HELZ: variants seen among roughly 807,000 people sequenced by gnomAD.
HELZ encodes ATP-dependent RNA helicase with zinc finger domain.
Under a neutral mutation model 218.2 loss-of-function variants are expected in HELZ, and 23 were observed. The observed-to-expected ratio is 0.11, with a 90% CI of 0.08 to 0.15. The LOEUF (loss-of-function observed/expected upper bound fraction) is 0.15, where lower values mean the gene tolerates loss of function less well. HELZ is among the 10% of genes least tolerant of loss of function. The pLI is 1.00. For synonymous variants in HELZ, 814 were observed against 829.4 expected, an observed-to-expected ratio of 0.98 and a Z score of 0.32; for missense variants, 1,813 against 2,353.7, an observed-to-expected ratio of 0.77 and a Z score of 4.75.
chr17:67,082,017 C>A (rs946523425), intron 32 of HELZ, among the ~76,000 whole-genome samples: 1 of 152,162 alleles, frequency 6.6e-6, no homozygotes, highest in Non-Finnish European at 1.5e-5. Context: ...ATGCTGAGAC[C>A]ATCACATCTA....
intron 5 of HELZ, among the ~76,000 whole-genome samples, chr17:67,212,473 T>C (rs942671952): frequency 3.3e-5 from 5 of 152,070 alleles, no homozygotes; most frequent in African/African-American, 1.2e-4. Flanking sequence ...TCACATGTTT[T>C]TTATTACTGT....
At chr17:67,224,734 A>T in intron 3 of HELZ, 1 of 1,047,200 alleles carries the variant, frequency 9.5e-7, no homozygotes, top group Non-Finnish European at 1.4e-6. Flanking sequence ...AAACATGGTG[A>T]ACGTTGCTAA....
chr17:67,120,422 T>G lies in HELZ; in HGVS notation c.3821A>C (p.His1274Pro). Residue 1274 changes from histidine to proline, a missense_variant, in exon 27 of 33, where the codon CAT becomes CCT. Physicochemically the swap from His to Pro is moderately conservative, Grantham distance 77. Transcript: ENST00000358691. ...CAACTTACCATTTCGATTTTGCTCA[T>G]GTTGATCCTTCTCCTGATGCTGATT... The part of the protein sequence containing the change: ...PQNQHQEKDQ[H>P]EQNRNGKSDT... 1.9e-6 allele frequency: 3 copies of G among 1,614,082 alleles called. No homozygotes were observed. The highest frequency in any genetic ancestry group is 2.5e-6 in the Non-Finnish European group (3 of 1,179,968).
At chr17:67,132,813 G>A (rs967144537) in intron 23 of HELZ, among the ~76,000 whole-genome samples, 4 of 152,084 alleles carry the variant, frequency 2.6e-5, no homozygotes, top group Admixed American at 2.0e-4. Context: ...CTTCTGAACT[G>A]GTATAATATA....
At chr17:67,191,360 T>G (rs1193926435) in intron 9 of HELZ, among the ~76,000 whole-genome samples, 1 of 152,220 alleles carries the variant, frequency 6.6e-6, no homozygotes, top group Non-Finnish European at 1.5e-5. Flanking sequence ...ATGTTCATTT[T>G]AAAGGACAGA....
intron 32 of HELZ, among the ~76,000 whole-genome samples, chr17:67,083,120 G>A (rs1003667980): frequency 6.6e-6 from 1 of 151,720 alleles, no homozygotes; most frequent in Non-Finnish European, 1.5e-5. Context: ...GCCTCCCAAA[G>A]TGCTGGGATT....
chr17:67,186,590 T>C (rs773587643), intron 12 of HELZ, among the ~76,000 whole-genome samples: 5 of 152,218 alleles, frequency 3.3e-5, no homozygotes, highest in Non-Finnish European at 7.3e-5. Flanking sequence ...ATTATCATGT[T>C]TTAATACTAT....
intron 31 of HELZ, among the ~76,000 whole-genome samples, chr17:67,105,315 A>T (rs1169166440): frequency 6.6e-6 from 1 of 152,144 alleles, no homozygotes; most frequent in Non-Finnish European, 1.5e-5. Context: ...TTACTACATC[A>T]CCCAAGAACT....
At chr17:67,096,616 C>T (rs1253432773) in intron 31 of HELZ, among the ~76,000 whole-genome samples, 1 of 152,212 alleles carries the variant, frequency 6.6e-6, no homozygotes, top group Non-Finnish European at 1.5e-5. Flanking sequence ...TTCCTTAAAC[C>T]TCATGAACCA....
chr17:67,226,257 C>CAA (rs562828369), intron 3 of HELZ, among the ~76,000 whole-genome samples: 1 of 64,804 alleles, frequency 1.5e-5, no homozygotes, highest in African/African-American at 4.5e-5. Flanking sequence ...GACTCCATCT[C>CAA]AAAAAAAAAA....
chr17:67,201,384 T>G (rs1184748450), intron 6 of HELZ, among the ~76,000 whole-genome samples, 199 bp from the exon 7 acceptor site: 2 of 152,188 alleles, frequency 1.3e-5, no homozygotes, highest in Non-Finnish European at 2.9e-5. Flanking sequence ...CAGGAAAAAC[T>G]ATACAGAATG....
chr17:67,114,525 G>A (rs907138554), intron 27 of HELZ, 122 bp from the exon 28 acceptor site: 7 of 598,364 alleles, frequency 1.2e-5, no homozygotes, highest in African/African-American at 9.2e-5. Context: ...TATGATCAGT[G>A]TATGACTACT....
At chr17:67,090,932 TCTTC>T (rs1204980969) in intron 31 of HELZ, among the ~76,000 whole-genome samples, 10 of 152,132 alleles carry the variant, frequency 6.6e-5, no homozygotes, top group African/African-American at 2.4e-4. Context: ...TTTATTTTGC[TCTTC>T]CTTTTCTAAT....
rs750306433 is a variant in HELZ at position 67,188,303 on chromosome 17, A to G, written c.1162+16T>C. The G allele has an allele frequency of 6.3e-7, 1 of 1,591,556 alleles. No homozygotes were observed. On this transcript the variant is annotated intron_variant, in intron 12 of 32. Coordinates refer to ENST00000358691, the MANE Select transcript of HELZ (RefSeq NM_014877.4). The surrounding 1 kb of genome is among the most constrained non-coding windows in gnomAD (Gnocchi z 4.1). ...TTTTAACACATTGTATCGGGGGAAA[A>G]AAGTCTAAATATTACCTTCTGTAGA...
At chr17:67,150,355 C>A (rs2038646049) in intron 18 of HELZ, among the ~76,000 whole-genome samples, 1 of 151,916 alleles carries the variant, frequency 6.6e-6, no homozygotes, top group Non-Finnish European at 1.5e-5. Context: ...GGCTGAACTC[C>A]TGGCCTCAAG....
intron 31 of HELZ, among the ~76,000 whole-genome samples, chr17:67,087,436 T>C (rs1202931084): frequency 2.6e-5 from 4 of 152,228 alleles, no homozygotes; most frequent in African/African-American, 9.6e-5. Flanking sequence ...TAGATAATAG[T>C]AGATTAAGAA....
intron 10 of HELZ, 66 bp from the exon 11 acceptor site, chr17:67,189,762 T>C (rs1824189871): frequency 2.9e-6 from 3 of 1,042,876 alleles, no homozygotes; most frequent in Non-Finnish European, 4.5e-6. Context: ...TCTTTTAGCA[T>C]GGAAAATAAA....
chr17:67,188,533 A>C lies in HELZ; in HGVS notation c.948T>G (p.Asp316Glu). 1 of 1,613,838 alleles carries C rather than the reference A, an allele frequency of 6.2e-7. No homozygotes were observed. Among genetic ancestry groups the C allele is most frequent in the African/African-American group, 1.3e-5 (1 of 75,038 alleles). Reference sequence around the variant, plus strand: ...CTTCTTGTGATACCTGGGTAGTACTATCTCCGGCAGATATTGCAATGATAC... The same window carrying C: ...CTTCTTGTGATACCTGGGTAGTACTCTCTCCGGCAGATATTGCAATGATAC... ...HFSIIAISAG[D>E]STTQVSQEVP... The change falls in exon 12 of 33, where the codon GAT becomes GAG. Residue 316 changes from aspartate (D) to glutamate (E), a missense_variant. Coordinates refer to ENST00000358691, the MANE Select transcript of HELZ (RefSeq NM_014877.4). The surrounding 1 kb of genome is among the most constrained non-coding windows in gnomAD (Gnocchi z 4.1).
At chr17:67,132,590 A>C (rs1290102006) in intron 23 of HELZ, among the ~76,000 whole-genome samples, 1 of 152,210 alleles carries the variant, frequency 6.6e-6, no homozygotes, top group Non-Finnish European at 1.5e-5. Context: ...TAAAATACCC[A>C]CATTATAGGG....
Sources: gnomAD v4.1 joint callset for allele counts (sites outside exome capture counted in the v4.1 genomes callset) on GRCh38, gnomAD v4.1.1 for gene constraint, Gnocchi (gnomAD v3.1) non-coding constraint, MANE v1.5 for transcripts, NCBI Gene and HGNC (gene_info 2026-07-23, HGNC 2026-07-21) for gene names.